The following CSNK2A1 variants were observed in gnomAD, a reference collection of about 807,000 sequenced individuals.
CSNK2A1 encodes casein kinase 2 alpha 1.
In CSNK2A1, 10 loss-of-function variants were observed where a neutral mutation model predicts 62.9. The ratio of observed to expected loss-of-function variants is 0.16; its 90% CI spans 0.10 to 0.27. CSNK2A1 has a LOEUF of 0.27. CSNK2A1 is among the 10% of genes least tolerant of loss of function. CSNK2A1 has a pLI of 1.00. For missense variants in CSNK2A1, 160 were observed against 492.0 expected, an observed-to-expected ratio of 0.33 and a Z score of 6.38; for synonymous variants, 124 against 167.8, an observed-to-expected ratio of 0.74 and a Z score of 2.02.
chr20:507,464 G>C (rs2018628028), intron 3 of CSNK2A1: 1 of 152,162 alleles, frequency 6.6e-6, no homozygotes, highest in South Asian at 2.1e-4. Context: ...TATCACAAAA[G>C]TATGATCTGA....
intron 2 of CSNK2A1, among the ~76,000 whole-genome samples, chr20:521,276 AAAG>A (rs1187128883): frequency 1.6e-4 from 24 of 152,362 alleles, no homozygotes; most frequent in African/African-American, 5.0e-4. Context: ...ACACACCACA[AAAG>A]AAGATATACA....
chr20:489,951 AT>A, intron 9 of CSNK2A1, 70 bp from the exon 10 acceptor site: 3 of 1,234,818 alleles, frequency 2.4e-6, no homozygotes, highest in Non-Finnish European at 3.2e-6. Context: ...TAAAAAATTA[AT>A]TTTTAAAATT....
In CSNK2A1 at chr20:526,492, T is replaced by G. The variant is rs566295023; in HGVS notation, c.-110+1441A>C. ...AAAACAATGGAAAAAATTAGCTGAGTCCCAGCTACTCAGGAGGCTAAGGCA... is the reference window on the plus strand; with the variant it reads ...AAAACAATGGAAAAAATTAGCTGAGGCCCAGCTACTCAGGAGGCTAAGGCA... On this transcript the variant is annotated intron_variant, in intron 2 of 13. Transcript: ENST00000217244. 2.0e-5 allele frequency among the ~76,000 whole-genome samples: 3 copies of G among 151,438 alleles called. No homozygotes were observed. In the South Asian group the frequency reaches 6.3e-4, roughly 32 times the overall value.
At chr20:490,214 A>G (rs966886893) in intron 9 of CSNK2A1, among the ~76,000 whole-genome samples, 4 of 151,012 alleles carry the variant, frequency 2.6e-5, no homozygotes, top group South Asian at 2.1e-4. Flanking sequence ...TATTTTTAGT[A>G]GAGACGGGGT....
intron 8 of CSNK2A1, 63 bp downstream of exon 8, chr20:495,656 G>T: frequency 7.1e-7 from 1 of 1,411,280 alleles, no homozygotes; most frequent in Non-Finnish European, 1.0e-6. Flanking sequence ...GGGATAAAGT[G>T]TTGAAGATGG....
rs144344761 is a variant in CSNK2A1, at chr20:542,787, TG to T, written c.-227+884del. The stretch of plus-strand genomic sequence containing the variant: ...TCCCATTCTCGTAGAATTAAACAGC[TG>T]AAAAGTAATCAAGTCTTCCCAAATA... On this transcript the variant is annotated intron_variant, in intron 1 of 13. Coordinates refer to ENST00000217244, the MANE Select transcript of CSNK2A1 (RefSeq NM_177559.3). Among the ~76,000 whole-genome samples, 1,128 of 152,358 alleles carry T rather than the reference TG, an allele frequency of 7.4e-3. 26 individuals are homozygous for T. Among genetic ancestry groups the T allele is most frequent in the African/African-American group, 0.025 (1,028 of 41,588 alleles).
intron 3 of CSNK2A1, chr20:506,167 C>G (rs182377135): frequency 6.6e-6 from 1 of 152,292 alleles, no homozygotes; most frequent in Non-Finnish European, 1.5e-5. Context: ...TGAGCCACCG[C>G]ACCCGGCCGG....
chr20:487,572 G>A lies in CSNK2A1; in HGVS notation c.828C>T (p.His276=), dbSNP rs1349472659. The A allele has an allele frequency of 5.6e-6, 9 of 1,614,200 alleles. No homozygotes were observed. The highest frequency in any genetic ancestry group is 7.6e-6 in the Non-Finnish European group (9 of 1,180,042). ...DPRFNDILGR[H]SRKRWERFVH... is the part of the protein sequence containing the mutation. ...CAAAGCGTTCCCATCGCTTTCGAGA[G>A]TGTCTGCAGGACCAAAAGAGGGCAT... is the stretch of plus-strand genomic sequence containing the variant. Residue 276 remains histidine (H), a synonymous_variant, in exon 12 of 14, where the codon CAC becomes CAT. Coordinates refer to ENST00000217244, the MANE Select transcript of CSNK2A1 (RefSeq NM_177559.3).
At chr20:486,689 G>A in intron 12 of CSNK2A1, 1 of 496,354 alleles carries the variant, frequency 2.0e-6, no homozygotes, top group Non-Finnish European at 3.6e-6. Context: ...TCAATCAAAT[G>A]GTAGAAAGAT....
rs766654004 is a variant in CSNK2A1, at chr20:481,684, G to A, written c.*2277C>T. On this transcript the variant is annotated 3_prime_UTR_variant, in exon 14 of 14. Coordinates refer to ENST00000217244, the MANE Select transcript of CSNK2A1 (RefSeq NM_177559.3). ...GAGGTCCAGCTGTCTGCAGCTCTCC[G>A]CATCAGCCTAAGCTACACCTCAATT... 2.4e-4 allele frequency: 37 copies of A among 152,166 alleles called. No individual in the cohort carries two copies. The highest frequency in any genetic ancestry group is 4.1e-4 in the African/African-American group (17 of 41,496). The allele number at this position is 152,166 out of a possible 1,614,324, so 9.4% of individuals were successfully genotyped here.
intron 4 of CSNK2A1, chr20:504,214 T>TA (rs2018530757): frequency 6.6e-6 from 1 of 152,318 alleles, no homozygotes; most frequent in Admixed American, 6.5e-5. Context: ...AAACAAAACT[T>TA]ACTTAGCTAT....
intron 1 of CSNK2A1, among the ~76,000 whole-genome samples, chr20:531,368 T>C (rs2122642485): frequency 1.3e-5 from 2 of 152,248 alleles, no homozygotes; most frequent in South Asian, 4.1e-4. Context: ...TGGACAACTC[T>C]TCATTTACCT....
At chr20:517,800 C>T (rs548848128) in intron 2 of CSNK2A1, among the ~76,000 whole-genome samples, 8 of 152,190 alleles carry the variant, frequency 5.3e-5, no homozygotes, top group South Asian at 2.1e-4. Flanking sequence ...CCACATGCAA[C>T]GTGGCATCAG....
Position 508,610 on chromosome 20 carries a change from G to A in CSNK2A1, c.-59C>T, listed in dbSNP as rs1298905152. On this transcript the variant is annotated 5_prime_UTR_variant, in exon 3 of 14. Transcript: ENST00000217244. ...TGTTTGGAGATCTGGCAGTCACTGT[G>A]TTCAGAAGCAGCTGGGGGTAAGACC... 4 of 1,547,096 alleles carry A rather than the reference G, an allele frequency of 2.6e-6. No individual in the cohort carries two copies. Among genetic ancestry groups the A allele is most frequent in the Non-Finnish European group, 3.6e-6 (4 of 1,125,838 alleles).
intron 1 of CSNK2A1, 166 bp downstream of exon 1, chr20:543,500 CTCCCCG>C (rs1447661579): frequency 5.1e-6 from 2 of 390,580 alleles, no homozygotes; most frequent in Non-Finnish European, 9.0e-6. Flanking sequence ...GCCCCTGGGC[CTCCCCG>C]ATGGGCTGCA....
chr20:490,329 T>TTTTTTC lies in CSNK2A1; in HGVS notation c.622-454_622-449dup, dbSNP rs1359026717. ...GGCATGACCCACCGTGCCTGGCTAG[T>TTTTTTC]TTTTTCTTTTTTTTTTTTTTTTAGT... On this transcript the variant is annotated intron_variant, in intron 9 of 13. Coordinates refer to ENST00000217244, the MANE Select transcript of CSNK2A1 (RefSeq NM_177559.3). Among the ~76,000 whole-genome samples the TTTTTTC allele has an allele frequency of 6.1e-5, 7 of 115,378 alleles. 1 individual carries two copies. The South Asian group carries it at 1.2e-3, about 20-fold the overall frequency. The allele number at this position is 115,378 out of a possible 152,430, so 75.7% of individuals were successfully genotyped here. A position where few individuals can be genotyped will look rare whatever the true frequency, so the allele number is the denominator to read the frequency against.
intron 2 of CSNK2A1, among the ~76,000 whole-genome samples, chr20:521,598 T>A (rs182211405): frequency 1.3e-5 from 2 of 152,314 alleles, no homozygotes; most frequent in East Asian, 3.9e-4. Context: ...CACAAAAACT[T>A]ATACACAAAC....
At chr20:532,570 T>C (rs908368948) in intron 1 of CSNK2A1, among the ~76,000 whole-genome samples, 3 of 152,124 alleles carry the variant, frequency 2.0e-5, no homozygotes, top group Admixed American at 6.6e-5. Context: ...GTTTGGATGC[T>C]GTATCCAAAC....
rs2018418040 is a variant in CSNK2A1 at position 499,706 on chromosome 20, G to A, written c.315+127C>T. 2.4e-6 allele frequency: 2 copies of A among 850,960 alleles called. No homozygotes were observed. The highest frequency in any genetic ancestry group is 3.9e-6 in the Non-Finnish European group (2 of 513,852). The allele number at this position is 850,960 out of a possible 1,614,324, so 52.7% of individuals were successfully genotyped here. The stretch of plus-strand genomic sequence containing the variant: ...CCCAAGCTAGTTAAATGGTATATCT[G>A]ATTAAGCACTTTCAAAGCAGGACTT... On this transcript the variant is annotated intron_variant, in intron 5 of 13. Transcript: ENST00000217244. This position sits in a 1 kb window ranked among gnomAD's most constrained non-coding sequence, Gnocchi z 4.2.
Sources: allele counts gnomAD v4.1 joint callset (sites outside exome capture counted in the v4.1 genomes callset), GRCh38; gene constraint gnomAD v4.1.1; non-coding constraint Gnocchi (gnomAD v3.1); transcripts MANE v1.5; gene names NCBI Gene and HGNC (gene_info 2026-07-23, HGNC 2026-07-21).